The following HOXC13 variants were observed in gnomAD, a reference collection of about 807,000 sequenced individuals.
The protein encoded by HOXC13 is homeobox protein Hox-C13.
HOXC13 carries 10 observed loss-of-function variants against 25.9 expected under a neutral mutation model. The observed-to-expected ratio is 0.39, with a 90% confidence interval of 0.24 to 0.65. The LOEUF (loss-of-function observed/expected upper bound fraction) is 0.65, where lower values mean the gene tolerates loss of function less well. Ranked by LOEUF, HOXC13 falls within the 30% of genes least tolerant of loss-of-function variation. The pLI is 0.50. For synonymous variants in HOXC13, 233 were observed against 217.1 expected, an observed-to-expected ratio of 1.07 and a Z score of -0.64; for missense variants, 439 against 478.3, an observed-to-expected ratio of 0.92 and a Z score of 0.77.
rs986514749 is a variant in HOXC13, at chr12:53,939,032, G to C, written c.126G>C (p.Ala42=). 2.3e-5 allele frequency: 34 copies of C among 1,467,476 alleles called. No individual in the cohort carries two copies. The highest frequency in any genetic ancestry group is 4.3e-4 in the Middle Eastern group (2 of 4,650). 90.9% of individuals were successfully genotyped at this position (1,467,476 alleles called of 1,614,324 possible). A position where few individuals can be genotyped will look rare whatever the true frequency, so the allele number is the denominator to read the frequency against. ...GAGGAGGCGGCGGCACGGGCGGAGC[G>C]GGGGGTGGCTGCAGCGGAGCGAGCC... ...GGGGGGGTGG[A]GGGCSGASPG... The change falls in exon 1 of 2, where the codon GCG becomes GCC. Residue 42 remains alanine, a synonymous_variant. Coordinates refer to ENST00000243056, the MANE Select transcript of HOXC13 (RefSeq NM_017410.3). The surrounding 1 kb of genome is among the most constrained non-coding windows in gnomAD (Gnocchi z 6.7).
rs202210130 is a variant in HOXC13 at position 53,938,967 on chromosome 12, G to A, written c.61G>A (p.Asp21Asn). 7.5e-4 allele frequency: 1,156 copies of A among 1,537,836 alleles called. 3 individuals carry two copies. The highest frequency in any genetic ancestry group is 7.4e-4 in the Non-Finnish European group (850 of 1,148,314). ...GGAGAGCCTTATGTACGTCTATGAG[G>A]ACAGCGCGGCGGAGAGCGGCATCGG... is the stretch of plus-strand genomic sequence containing the variant. The part of the protein sequence containing the change: ...WPESLMYVYE[D>N]SAAESGIGGG... The change falls in exon 1 of 2, where the codon GAC (aspartate) becomes AAC (asparagine). Residue 21 changes from aspartate to asparagine, a missense_variant. Physicochemically the swap from Asp to Asn is conservative, Grantham distance 23. Coordinates refer to ENST00000243056, the MANE Select transcript of HOXC13 (RefSeq NM_017410.3).
intron 1 of HOXC13, among the ~76,000 whole-genome samples, chr12:53,944,330 T>C (rs1023389788): frequency 6.6e-6 from 1 of 152,158 alleles, no homozygotes; most frequent in African/African-American, 2.4e-5. Context: ...TGGACACTTA[T>C]CTTCTATCTG....
In HOXC13 at chr12:53,939,037, G is replaced by A. The variant is rs944919753; in HGVS notation, c.131G>A (p.Gly44Asp). The A allele has an allele frequency of 5.5e-6, 8 of 1,465,228 alleles. No homozygotes were observed. Among genetic ancestry groups the A allele is most frequent in the Non-Finnish European group, 6.3e-6 (7 of 1,116,798 alleles). 90.8% of individuals were successfully genotyped at this position (1,465,228 alleles called of 1,614,324 possible). Residue 44 changes from glycine to aspartate, a missense_variant, in exon 1 of 2, where the codon GGT becomes GAT. Transcript: ENST00000243056. The surrounding 1 kb of genome is among the most constrained non-coding windows in gnomAD (Gnocchi z 6.7). ...GGCGGCGGCACGGGCGGAGCGGGGGGTGGCTGCAGCGGAGCGAGCCCCGGC... is the reference window on the plus strand; with the variant it reads ...GGCGGCGGCACGGGCGGAGCGGGGGATGGCTGCAGCGGAGCGAGCCCCGGC... Reference protein sequence around the residue: ...GGGGGTGGAGGGCSGASPGKA... With the variant: ...GGGGGTGGAGDGCSGASPGKA...
chr12:53,945,696 C>T lies in HOXC13; in HGVS notation c.*440C>T, dbSNP rs377375228. 11 of 289,128 alleles carry T rather than the reference C, an allele frequency of 3.8e-5. 1 individual carries two copies. In the Middle Eastern group the frequency reaches 3.0e-3, roughly 80 times the overall value. 17.9% of individuals were successfully genotyped at this position (289,128 alleles called of 1,614,324 possible). ...CTTCCCTAAGGGCGCAGCTTCGGAG[C>T]AGGATCTGTCCAGCTCATACTTTCC... On this transcript the variant is annotated 3_prime_UTR_variant, in exon 2 of 2. Coordinates refer to ENST00000243056, the MANE Select transcript of HOXC13 (RefSeq NM_017410.3). The surrounding 1 kb of genome is among the most constrained non-coding windows in gnomAD (Gnocchi z 4.4).
At chr12:53,940,031 C>T (rs1313597078) in intron 1 of HOXC13, among the ~76,000 whole-genome samples, 1 of 152,368 alleles carries the variant, frequency 6.6e-6, no homozygotes, top group Admixed American at 6.5e-5. Context: ...ACAAAACCCC[C>T]AACCCACCGA....
Position 53,945,168 on chromosome 12 carries a change from G to T in HOXC13, c.905G>T (p.Arg302Leu), listed in dbSNP as rs1347687654. 6.2e-7 allele frequency: 1 copy of T among 1,614,158 alleles called. No individual in the cohort carries two copies. Among genetic ancestry groups the T allele is most frequent in the South Asian group, 1.1e-5 (1 of 91,082 alleles). ...TCCGCCACCACGAACCTCTCTGAGC[G>T]CCAGGTAACCATCTGGTTCCAGAAC... ...RISATTNLSERQVTIWFQNRR... is the reference protein window; with the variant it reads ...RISATTNLSELQVTIWFQNRR... Residue 302 changes from arginine to leucine, a missense_variant, in exon 2 of 2, where the codon CGC becomes CTC. Coordinates refer to ENST00000243056, the MANE Select transcript of HOXC13 (RefSeq NM_017410.3). This position sits in a 1 kb window ranked among gnomAD's most constrained non-coding sequence, Gnocchi z 4.4.
At chr12:53,943,074 T>C (rs572113558) in intron 1 of HOXC13, among the ~76,000 whole-genome samples, 2 of 152,360 alleles carry the variant, frequency 1.3e-5, no homozygotes, top group East Asian at 3.9e-4. Flanking sequence ...TAAAGCTGGA[T>C]TGTATTAGCT....
In HOXC13 at chr12:53,938,972, C is replaced by CGCGGCGGAGAGCGGCATCG. The variant is rs1938561510; in HGVS notation, c.74_92dup (p.Gly32GlufsTer127). ...GCCTTATGTACGTCTATGAGGACAG[C>CGCGGCGGAGAGCGGCATCG]GCGGCGGAGAGCGGCATCGGCGGCG... On this transcript the variant is annotated frameshift_variant, in exon 1 of 2. Coordinates refer to ENST00000243056, the MANE Select transcript of HOXC13 (RefSeq NM_017410.3). LOFTEE classifies it high-confidence loss of function. The CGCGGCGGAGAGCGGCATCG allele has an allele frequency of 6.6e-7, 1 of 1,525,122 alleles. No homozygotes were observed. The highest frequency in any genetic ancestry group is 1.4e-5 in the African/African-American group (1 of 70,300). 94.5% of individuals were successfully genotyped at this position (1,525,122 alleles called of 1,614,324 possible).
intron 1 of HOXC13, among the ~76,000 whole-genome samples, chr12:53,940,811 G>C (rs1005583791): frequency 6.6e-6 from 1 of 152,136 alleles, no homozygotes; most frequent in Admixed American, 6.6e-5. Context: ...GATGTCTCCC[G>C]ACAGTGCCCA....
At position 53,945,530 on chromosome 12, in the gene HOXC13, C is replaced by A. The variant is rs1484296480; in HGVS notation, c.*274C>A. The A allele has an allele frequency of 1.4e-5, 7 of 512,098 alleles. No individual in the cohort carries two copies. The allele number at this position is 512,098 out of a possible 1,614,324, so 31.7% of individuals were successfully genotyped here. On this transcript the variant is annotated 3_prime_UTR_variant, in exon 2 of 2. Transcript: ENST00000243056. The surrounding 1 kb of genome is among the most constrained non-coding windows in gnomAD (Gnocchi z 4.4). ...GAGTGGGCCGTGCGAGGAAGGCTGT[C>A]GACCTCTACTCCTCCTTGCGCTCAC...
chr12:53,941,769 A>C (rs1264276948), intron 1 of HOXC13, among the ~76,000 whole-genome samples: 2 of 152,236 alleles, frequency 1.3e-5, no homozygotes, highest in Non-Finnish European at 2.9e-5. Context: ...CCGTGTGGAA[A>C]TAGAATTGGG....
At position 53,939,424 on chromosome 12, in the gene HOXC13, C is replaced by T. The variant is rs763159165; in HGVS notation, c.518C>T (p.Ala173Val). The change falls in exon 1 of 2, where the codon GCC (alanine) becomes GTC (valine). Residue 173 changes from alanine (A) to valine (V), a missense_variant. Physicochemically the swap from Ala to Val is moderately conservative, Grantham distance 64 (BLOSUM62 0). Coordinates refer to ENST00000243056, the MANE Select transcript of HOXC13 (RefSeq NM_017410.3). The surrounding 1 kb of genome is among the most constrained non-coding windows in gnomAD (Gnocchi z 6.7). ...CTGTCCTCTAGGGCCAAGGAGTTCG[C>T]CTTCTACCCCAGCTTCGCCAGCTCC... ...DDLSSRAKEF[A>V]FYPSFASSYQ... 71 of 1,604,268 alleles carry T rather than the reference C, an allele frequency of 4.4e-5. No individual in the cohort carries two copies. In the Admixed American group the frequency reaches 5.6e-4, roughly 13 times the overall value.
chr12:53,939,115 G>A lies in HOXC13; in HGVS notation c.209G>A (p.Arg70His). 6.9e-7 allele frequency: 1 copy of A among 1,455,196 alleles called. No individual in the cohort carries two copies. The allele number at this position is 1,455,196 out of a possible 1,614,324, so 90.1% of individuals were successfully genotyped here. A position where few individuals can be genotyped will look rare whatever the true frequency, so the allele number is the denominator to read the frequency against. ...AGCAGCTGCCCGGCCAGCCACTGCC[G>A]CGACCTGCTTCCGCACCCCGTGCTG... Reference protein sequence around the residue: ...LGSSCPASHCRDLLPHPVLGR... With the variant: ...LGSSCPASHCHDLLPHPVLGR... The change falls in exon 1 of 2, where the codon CGC (arginine) becomes CAC (histidine). Residue 70 changes from arginine (R) to histidine (H), a missense_variant. Physicochemically the swap from Arg to His is conservative, Grantham distance 29. Coordinates refer to ENST00000243056, the MANE Select transcript of HOXC13 (RefSeq NM_017410.3). The surrounding 1 kb of genome is among the most constrained non-coding windows in gnomAD (Gnocchi z 6.7).
Position 53,945,114 on chromosome 12 carries a change from T to A in HOXC13, c.851T>A (p.Phe284Tyr). Residue 284 changes from phenylalanine (F) to tyrosine (Y), a missense_variant, in exon 2 of 2, where the codon TTC becomes TAC. Transcript: ENST00000243056. This position sits in a 1 kb window ranked among gnomAD's most constrained non-coding sequence, Gnocchi z 4.4. The stretch of plus-strand genomic sequence containing the variant: ...GAGAAGGAATACGCGGCTAGCAAGT[T>A]CATCACCAAAGAGAAGCGCCGGCGC... ...ELEKEYAASK[F>Y]ITKEKRRRIS... 6.2e-7 allele frequency: 1 copy of A among 1,614,114 alleles called. No homozygotes were observed. Among genetic ancestry groups the A allele is most frequent in the Non-Finnish European group, 8.5e-7 (1 of 1,180,026 alleles).
intron 1 of HOXC13, among the ~76,000 whole-genome samples, chr12:53,943,478 A>AT (rs762894707): frequency 2.0e-5 from 3 of 152,206 alleles, no homozygotes; most frequent in Non-Finnish European, 4.4e-5. Context: ...TGTTTTTTAG[A>AT]TTTTTTTAAA....
intron 1 of HOXC13, among the ~76,000 whole-genome samples, chr12:53,940,621 A>G (rs927051548): frequency 8.5e-5 from 13 of 152,242 alleles, no homozygotes; most frequent in African/African-American, 3.1e-4. Flanking sequence ...GACCAGTCCC[A>G]GGTTTCCCAA....
In HOXC13 at chr12:53,945,302, A is replaced by G. The variant is rs1299716380; in HGVS notation, c.*46A>G. ...CCATCTATTTATGTCTCCGCTTTGT[A>G]CCATAACCGAACCCACGGAAAGACG... On this transcript the variant is annotated 3_prime_UTR_variant, in exon 2 of 2. Coordinates refer to ENST00000243056, the MANE Select transcript of HOXC13 (RefSeq NM_017410.3). The surrounding 1 kb of genome is among the most constrained non-coding windows in gnomAD (Gnocchi z 4.4). The G allele has an allele frequency of 1.9e-6, 3 of 1,599,956 alleles. No homozygotes were observed. Among genetic ancestry groups the G allele is most frequent in the African/African-American group, 1.3e-5 (1 of 74,400 alleles).
rs1471041777 is a variant in HOXC13 at position 53,938,942 on chromosome 12, G to A, written c.36G>A (p.Pro12=). 1 of 1,560,474 alleles carries A rather than the reference G, an allele frequency of 6.4e-7. No homozygotes were observed. The highest frequency in any genetic ancestry group is 1.4e-5 in the African/African-American group (1 of 72,390). The change falls in exon 1 of 2, where the codon CCG becomes CCA. Residue 12 remains proline, a synonymous_variant. Coordinates refer to ENST00000243056, the MANE Select transcript of HOXC13 (RefSeq NM_017410.3). The stretch of plus-strand genomic sequence containing the variant: ...CGCTGCTCCTGCATCCACGCTGGCC[G>A]GAGAGCCTTATGTACGTCTATGAGG... ...TTSLLLHPRW[P]ESLMYVYEDS...
Position 53,939,568 on chromosome 12 carries a change from ATGGCTGGGACAG to A in HOXC13, c.664_675del (p.Gly222_Ser225del). The A allele has an allele frequency of 6.2e-7, 1 of 1,611,406 alleles. No homozygotes were observed. Among genetic ancestry groups the A allele is most frequent in the Non-Finnish European group, 8.5e-7 (1 of 1,179,356 alleles). On this transcript the variant is annotated inframe_deletion, in exon 1 of 2. Transcript: ENST00000243056. The surrounding 1 kb of genome is among the most constrained non-coding windows in gnomAD (Gnocchi z 6.7). Reference sequence around the variant, plus strand: ...GGCTACCAGCACTGGGCTCTCTCCAATGGCTGGGACAGTCAGGTGTACTGCTCCAAGGAGCAG... The same window carrying A: ...GGCTACCAGCACTGGGCTCTCTCCAATCAGGTGTACTGCTCCAAGGAGCAG...
Sources: gnomAD v4.1 joint callset for allele counts (sites outside exome capture counted in the v4.1 genomes callset) on GRCh38, gnomAD v4.1.1 for gene constraint, Gnocchi (gnomAD v3.1) non-coding constraint, MANE v1.5 for transcripts, NCBI Gene and HGNC (gene_info 2026-07-23, HGNC 2026-07-21) for gene names.